SGCG: variants seen among roughly 807,000 people sequenced by gnomAD.
The protein encoded by SGCG is gamma-sarcoglycan.
SGCG carries 26 observed loss-of-function variants against 29.3 expected under a neutral mutation model. That is an observed-to-expected ratio of 0.89 (90% CI 0.65 to 1.23). SGCG has a LOEUF of 1.23. SGCG is among the 50% of genes most tolerant of loss of function. The pLI is 0.00. For missense variants in SGCG, 353 were observed against 356.0 expected (o/e 0.99, Z 0.07); for synonymous variants, 145 against 129.7 (o/e 1.12, Z -0.80).
chr13:23,211,292 C>A (rs1456051362), intron 2 of SGCG, among the ~76,000 whole-genome samples: 1 of 152,156 alleles, frequency 6.6e-6, no homozygotes, highest in Non-Finnish European at 1.5e-5. Context: ...GAAGCCTGTG[C>A]TTCTCCTAAC....
chr13:23,239,040 A>G (rs1879410095), intron 3 of SGCG, among the ~76,000 whole-genome samples: 1 of 152,158 alleles, frequency 6.6e-6, no homozygotes, highest in South Asian at 2.1e-4. Context: ...AGAAGAGAGG[A>G]CAAATATTAT....
At position 23,240,928 on chromosome 13, in the gene SGCG, C is replaced by T. The variant is rs185532501; in HGVS notation, c.297+6216C>T. 3.5e-3 allele frequency among the ~76,000 whole-genome samples: 531 copies of T among 151,900 alleles called. 4 individuals are homozygous for T. The highest frequency in any genetic ancestry group is 0.011 in the African/African-American group (470 of 41,456). On this transcript the variant is annotated intron_variant, in intron 3 of 7. Transcript: ENST00000218867. ...CAGCACTTTGGGAGGCCGAGGCAGG[C>T]GGATCACGAGGTCAGGAGATCGAGA...
At chr13:23,286,520 A>G (rs1343483344) in intron 5 of SGCG, among the ~76,000 whole-genome samples, 1 of 152,176 alleles carries the variant, frequency 6.6e-6, no homozygotes, top group East Asian at 1.9e-4. Context: ...GTTGTTCCTC[A>G]TTATCTTCAG....
intron 3 of SGCG, among the ~76,000 whole-genome samples, chr13:23,242,636 C>G (rs1879554233): frequency 6.6e-6 from 1 of 152,060 alleles, no homozygotes; most frequent in Non-Finnish European, 1.5e-5. Flanking sequence ...CTGTCATTCT[C>G]TAAATGGCGT....
chr13:23,212,024 G>A (rs7325442), intron 2 of SGCG, among the ~76,000 whole-genome samples: 4,091 of 152,166 alleles, frequency 0.027, 191 homozygotes, highest in African/African-American at 0.094. Flanking sequence ...CATGAGATCT[G>A]GTTGGTTGAG....
intron 1 of SGCG, among the ~76,000 whole-genome samples, chr13:23,190,655 C>G (rs533621410): frequency 6.6e-6 from 1 of 152,192 alleles, no homozygotes; most frequent in East Asian, 1.9e-4. Context: ...GCATGATAAC[C>G]TTTATGAAAC....
At chr13:23,236,753 T>TA (rs2137547920) in intron 3 of SGCG, among the ~76,000 whole-genome samples, 1 of 152,136 alleles carries the variant, frequency 6.6e-6, no homozygotes, top group South Asian at 2.1e-4. Flanking sequence ...AGTATGCTTT[T>TA]AAAAAAAGCA....
chr13:23,170,907 C>T, the SGCG span, among the ~76,000 whole-genome samples: 1 of 152,194 alleles, frequency 6.6e-6, no homozygotes, highest in Non-Finnish European at 1.5e-5. Flanking sequence ...GCCTAATGAC[C>T]TGCATGCATC....
upstream of SGCG, among the ~76,000 whole-genome samples, chr13:23,178,879 G>C (rs1186180796): frequency 2.0e-5 from 3 of 152,158 alleles, no homozygotes; most frequent in Non-Finnish European, 4.4e-5. Context: ...AGAGCTTGAT[G>C]AGATGGTGTC....
intron 3 of SGCG, among the ~76,000 whole-genome samples, chr13:23,237,090 G>A (rs1441664644): frequency 6.6e-6 from 1 of 152,126 alleles, no homozygotes; most frequent in Non-Finnish European, 1.5e-5. Flanking sequence ...TATGTGTACT[G>A]ATGAGCTGAG....
chr13:23,264,688 T>G (rs1029077841), intron 4 of SGCG, among the ~76,000 whole-genome samples: 3 of 152,174 alleles, frequency 2.0e-5, no homozygotes, highest in African/African-American at 7.2e-5. Context: ...ACTACAAGGC[T>G]GTAGTAACCC....
At chr13:23,255,725 T>C (rs571878866) in intron 4 of SGCG, among the ~76,000 whole-genome samples, 1 of 152,240 alleles carries the variant, frequency 6.6e-6, no homozygotes, top group South Asian at 2.1e-4. Context: ...GTCGGGGTTT[T>C]AAGGGTTTTT....
intron 1 of SGCG, among the ~76,000 whole-genome samples, chr13:23,181,998 T>G (rs928151241): frequency 1.3e-5 from 2 of 152,132 alleles, no homozygotes; most frequent in African/African-American, 4.8e-5. Context: ...TTTTATAGGT[T>G]CTAGGATTCA....
the SGCG span, among the ~76,000 whole-genome samples, chr13:23,170,271 G>A: frequency 2.6e-5 from 4 of 152,094 alleles, no homozygotes; most frequent in African/African-American, 9.7e-5. Context: ...ATGTACTTAG[G>A]GCCAAACCCT....
intron 2 of SGCG, among the ~76,000 whole-genome samples, chr13:23,233,895 C>T (rs1002557760): frequency 6.6e-6 from 1 of 152,126 alleles, no homozygotes; most frequent in Admixed American, 6.6e-5. Context: ...TAAACAAGCA[C>T]AGCATCATGG....
chr13:23,245,042 A>C (rs9580584), intron 3 of SGCG: 3 of 152,068 alleles, frequency 2.0e-5, no homozygotes, highest in Non-Finnish European at 4.4e-5. Context: ...TGGCCTGCAC[A>C]CCAAGGTTTT....
chr13:23,211,471 G>A (rs999993336), intron 2 of SGCG, among the ~76,000 whole-genome samples: 13 of 152,130 alleles, frequency 8.5e-5, no homozygotes, highest in Non-Finnish European at 1.6e-4. Context: ...AAAGTGGAGA[G>A]GAGAGCTTGA....
chr13:23,276,511 CA>C (rs2137612494), intron 4 of SGCG, among the ~76,000 whole-genome samples: 1 of 144,956 alleles, frequency 6.9e-6, no homozygotes, highest in African/African-American at 2.5e-5. Context: ...CAGCTCATTG[CA>C]ACCTCCACCT....
Position 23,287,290 on chromosome 13 carries a change from G to A in SGCG, c.505+7812G>A, listed in dbSNP as rs927251343. Among the ~76,000 whole-genome samples the A allele has an allele frequency of 3.3e-5, 5 of 152,218 alleles. 1 individual carries two copies. In the South Asian group the frequency reaches 1.0e-3, roughly 31 times the overall value. On this transcript the variant is annotated intron_variant, in intron 5 of 7. Coordinates refer to ENST00000218867, the MANE Select transcript of SGCG (RefSeq NM_000231.3). ...AAGAAAAATTCACTGCTGTGTTGCT[G>A]AAGGAAGAAAGAGGGACCATGTGAC...
Sources: gnomAD v4.1 joint callset for allele counts (sites outside exome capture counted in the v4.1 genomes callset) on GRCh38, gnomAD v4.1.1 for gene constraint, MANE v1.5 for transcripts, NCBI Gene and HGNC (gene_info 2026-07-23, HGNC 2026-07-21) for gene names.